ADK: variants seen among roughly 807,000 people sequenced by gnomAD.
The protein encoded by ADK is N6,N6-dimethyladenosine kinase.
ADK carries 24 observed loss-of-function variants against 44.7 expected under a neutral mutation model. The ratio of observed to expected loss-of-function variants is 0.54; its 90% CI spans 0.39 to 0.76. The LOEUF (loss-of-function observed/expected upper bound fraction) is 0.76. ADK is among the 30% of genes least tolerant of loss of function. The pLI is 0.00. For missense variants in ADK, 321 were observed against 425.1 expected (o/e 0.76, Z 2.15); for synonymous variants, 128 against 142.6 (o/e 0.90, Z 0.73).
intron 9 of ADK, among the ~76,000 whole-genome samples, chr10:74,615,603 A>G (rs1852723030): frequency 6.6e-6 from 1 of 152,186 alleles, no homozygotes; most frequent in African/African-American, 2.4e-5. Context: ...TCTGGTGAGT[A>G]TGTAATAGAC....
At chr10:74,471,566 G>A (rs73290280) in intron 6 of ADK, among the ~76,000 whole-genome samples, 4,764 of 152,170 alleles carry the variant, frequency 0.031, 216 homozygotes, top group African/African-American at 0.096. Context: ...TATAGGAATT[G>A]CATGTGCAAA....
At chr10:74,300,649 G>A (rs1364973281) in intron 3 of ADK, among the ~76,000 whole-genome samples, 1 of 152,148 alleles carries the variant, frequency 6.6e-6, no homozygotes, top group Non-Finnish European at 1.5e-5. Flanking sequence ...ATAGTGCTGG[G>A]ATTACAGGTG....
chr10:74,456,848 T>A (rs1845967944), intron 6 of ADK, among the ~76,000 whole-genome samples: 1 of 152,086 alleles, frequency 6.6e-6, no homozygotes, highest in African/African-American at 2.4e-5. Flanking sequence ...GAAGGAAATT[T>A]ATAGCACTAA....
chr10:74,650,412 C>CA (rs35796098), intron 9 of ADK, among the ~76,000 whole-genome samples: 1 of 151,620 alleles, frequency 6.6e-6, no homozygotes, highest in Non-Finnish European at 1.5e-5. Flanking sequence ...GACTCTGTCT[C>CA]AAAAAAAGTA....
At chr10:74,634,817 C>T (rs956866654) in intron 9 of ADK, among the ~76,000 whole-genome samples, 4 of 151,958 alleles carry the variant, frequency 2.6e-5, no homozygotes, top group East Asian at 1.9e-4. Flanking sequence ...CAGTGGCACA[C>T]GCCTATAGTC....
intron 6 of ADK, among the ~76,000 whole-genome samples, chr10:74,465,716 G>A (rs1025605248): frequency 3.3e-5 from 5 of 152,096 alleles, no homozygotes; most frequent in African/African-American, 1.2e-4. Context: ...AATAGTTTAC[G>A]AGAGAAATGA....
chr10:74,237,206 G>T (rs1296049309), intron 3 of ADK, among the ~76,000 whole-genome samples: 1 of 152,152 alleles, frequency 6.6e-6, no homozygotes, highest in Non-Finnish European at 1.5e-5. Flanking sequence ...ATCAACTTAA[G>T]TTTATGGAAT....
At position 74,678,284 on chromosome 10, in the gene ADK, G is replaced by A. The variant is rs1306588681; in HGVS notation, c.964+8015G>A. Among the ~76,000 whole-genome samples, 3 of 152,126 alleles carry A rather than the reference G, an allele frequency of 2.0e-5. No homozygotes were observed. In the East Asian group the frequency reaches 5.8e-4, roughly 29 times the overall value. On this transcript the variant is annotated intron_variant, in intron 10 of 10. Transcript: ENST00000539909. ...GCCACACTAGTGTTATACATCCAGA[G>A]TCTTAGTCAAGCTGAAGCTAGACCA...
chr10:74,422,127 T>G (rs898297312), intron 6 of ADK, among the ~76,000 whole-genome samples: 5 of 152,184 alleles, frequency 3.3e-5, no homozygotes, highest in Admixed American at 3.3e-4. Flanking sequence ...AACAACTATG[T>G]TAACTAAGTG....
intron 7 of ADK, among the ~76,000 whole-genome samples, chr10:74,572,620 C>T (rs1245055921): frequency 1.3e-5 from 2 of 152,154 alleles, no homozygotes; most frequent in East Asian, 1.9e-4. Context: ...TTCCATTCTC[C>T]CCGTCACTTT....
intron 3 of ADK, among the ~76,000 whole-genome samples, chr10:74,255,263 C>A (rs551398369): frequency 6.6e-6 from 1 of 152,180 alleles, no homozygotes; most frequent in East Asian, 1.9e-4. Flanking sequence ...GACCTTTAAT[C>A]CCCAAATCAC....
At chr10:74,489,859 C>T (rs976646594) in intron 6 of ADK, among the ~76,000 whole-genome samples, 2 of 151,712 alleles carry the variant, frequency 1.3e-5, no homozygotes, top group Non-Finnish European at 2.9e-5. Context: ...CATTAAATGT[C>T]CATGGGGAAG....
intron 10 of ADK, among the ~76,000 whole-genome samples, chr10:74,683,876 A>G (rs1371728602): frequency 6.6e-6 from 1 of 152,242 alleles, no homozygotes; most frequent in Non-Finnish European, 1.5e-5. Flanking sequence ...TTTTATAACA[A>G]CCTTATCGAT....
At chr10:74,282,945 G>T (rs1847004481) in intron 3 of ADK, among the ~76,000 whole-genome samples, 1 of 152,152 alleles carries the variant, frequency 6.6e-6, no homozygotes, top group Non-Finnish European at 1.5e-5. Flanking sequence ...GAGAGTAGTT[G>T]TTCTGGATGA....
chr10:74,222,326 A>C (rs1844343036), intron 2 of ADK, among the ~76,000 whole-genome samples: 1 of 152,078 alleles, frequency 6.6e-6, no homozygotes, highest in East Asian at 1.9e-4. Context: ...ATCTCACACC[A>C]GTTAGAATGG....
intron 6 of ADK, among the ~76,000 whole-genome samples, chr10:74,437,375 A>G (rs567164404): frequency 4.6e-5 from 7 of 152,314 alleles, no homozygotes; most frequent in African/African-American, 1.7e-4. Flanking sequence ...TTAATGACCA[A>G]CTGGTTATTT....
chr10:74,630,108 T>C (rs541345126), intron 9 of ADK, among the ~76,000 whole-genome samples: 2 of 152,166 alleles, frequency 1.3e-5, no homozygotes, highest in Admixed American at 6.5e-5. Flanking sequence ...AAAAAAAAGT[T>C]GTAAAAATAG....
At chr10:74,361,985 G>A (rs539526241) in intron 4 of ADK, among the ~76,000 whole-genome samples, 6 of 152,260 alleles carry the variant, frequency 3.9e-5, no homozygotes, top group African/African-American at 1.4e-4. Context: ...AGTGATTTCA[G>A]AAGTTTTTCT....
intron 7 of ADK, among the ~76,000 whole-genome samples, chr10:74,561,473 G>A (rs1052053014): frequency 2.6e-5 from 4 of 152,056 alleles, no homozygotes; most frequent in South Asian, 2.1e-4. Flanking sequence ...CAAGATAACC[G>A]TTCATTTATT....
Sources: allele counts gnomAD v4.1 joint callset (sites outside exome capture counted in the v4.1 genomes callset), GRCh38; gene constraint gnomAD v4.1.1; transcripts MANE v1.5; gene names NCBI Gene and HGNC (gene_info 2026-07-23, HGNC 2026-07-21).